Variants in JAK1 observed in about 807,000 individuals in gnomAD.
JAK1 encodes Janus kinase 1.
Under a neutral mutation model 136.6 loss-of-function variants are expected in JAK1, and 16 were observed. That is an observed-to-expected ratio of 0.12 (90% CI 0.08 to 0.18). The LOEUF (loss-of-function observed/expected upper bound fraction) is 0.18. JAK1 is among the 10% of genes least tolerant of loss of function. JAK1 has a pLI of 1.00. For synonymous variants in JAK1, 492 were observed against 519.5 expected (o/e 0.95, Z 0.72); for missense variants, 859 against 1,450.1 (o/e 0.59, Z 6.62).
intron 1 of JAK1, among the ~76,000 whole-genome samples, chr1:65,064,044 C>CT (rs971324363): frequency 1.3e-5 from 2 of 152,040 alleles, no homozygotes; most frequent in African/African-American, 4.8e-5. Flanking sequence ...GGCTATTCTA[C>CT]TTTTTTTGCA....
At chr1:64,951,437 C>G (rs904096300) in intron 1 of JAK1, among the ~76,000 whole-genome samples, 2 of 152,088 alleles carry the variant, frequency 1.3e-5, no homozygotes, top group South Asian at 4.1e-4. Flanking sequence ...TAAGTCTCTT[C>G]ACAGGGTTCC....
chr1:65,034,546 TA>T (rs1321722738), intron 2 of JAK1, among the ~76,000 whole-genome samples: 1 of 152,194 alleles, frequency 6.6e-6, no homozygotes. Flanking sequence ...ATCTAGTTGT[TA>T]GAAAGGTACT....
chr1:65,025,290 G>A (rs969230809), intron 2 of JAK1, among the ~76,000 whole-genome samples: 11 of 152,168 alleles, frequency 7.2e-5, no homozygotes, highest in African/African-American at 2.2e-4. Context: ...GAGCCCACCC[G>A]AAACATGGAT....
Position 64,845,666 on chromosome 1 carries a change from T to C in JAK1, c.1988-26A>G, listed in dbSNP as rs1405109909. On this transcript the variant is annotated intron_variant, in intron 14 of 24. Transcript: ENST00000342505. ...CTGTAGGCATAAAAATAGCCATGTCTGGAACCTGGTCTGTGGCACGGTCCT... is the reference window on the plus strand; with the variant it reads ...CTGTAGGCATAAAAATAGCCATGTCCGGAACCTGGTCTGTGGCACGGTCCT... 2.5e-6 allele frequency: 4 copies of C among 1,613,992 alleles called. No individual in the cohort carries two copies. In the African/African-American group the frequency reaches 5.3e-5, roughly 22 times the overall value.
intron 2 of JAK1, chr1:65,003,446 T>C (rs1339515312): frequency 6.6e-6 from 1 of 152,110 alleles, no homozygotes; most frequent in Non-Finnish European, 1.5e-5. Context: ...GGAAGGGGAA[T>C]GATGCTTAAA....
chr1:64,947,111 G>C (rs1646001786), intron 1 of JAK1, among the ~76,000 whole-genome samples: 1 of 152,170 alleles, frequency 6.6e-6, no homozygotes, highest in Non-Finnish European at 1.5e-5. Context: ...AGTTTTGCAA[G>C]ATGAAAAGAG....
At chr1:65,041,573 G>A (rs981744461) in intron 2 of JAK1, among the ~76,000 whole-genome samples, 3 of 152,122 alleles carry the variant, frequency 2.0e-5, no homozygotes, top group Non-Finnish European at 2.9e-5. Context: ...ACACAGAAGC[G>A]ATCATCTGAT....
At chr1:65,009,444 TAAAAAG>T (rs1224818269) in intron 2 of JAK1, among the ~76,000 whole-genome samples, 1 of 152,030 alleles carries the variant, frequency 6.6e-6, no homozygotes, top group Non-Finnish European at 1.5e-5. Flanking sequence ...GTTACATGCT[TAAAAAG>T]AAAAAAGTAC....
rs1210610128 is a variant in JAK1 at position 64,855,756 on chromosome 1, A to G, written c.1459-58T>C. 5 of 1,455,576 alleles carry G rather than the reference A, an allele frequency of 3.4e-6. No individual in the cohort carries two copies. The African/African-American group carries it at 7.0e-5, about 20-fold the overall frequency. 90.2% of individuals were successfully genotyped at this position (1,455,576 alleles called of 1,614,324 possible). A position where few individuals can be genotyped will look rare whatever the true frequency, so the allele number is the denominator to read the frequency against. ...AAAATGGGGTCAGGCATGGGTATGT[A>G]AGATATTAACATTAGGGGAAGCTGC... On this transcript the variant is annotated intron_variant, in intron 10 of 24. Transcript: ENST00000342505.
intron 2 of JAK1, among the ~76,000 whole-genome samples, chr1:65,014,648 TG>T (rs1172666938): frequency 6.6e-6 from 1 of 151,628 alleles, no homozygotes; most frequent in Non-Finnish European, 1.5e-5. Context: ...ACACACTCCA[TG>T]GGTTGAAAGA....
chr1:64,938,972 T>C (rs758161530), intron 1 of JAK1, among the ~76,000 whole-genome samples: 66 of 152,298 alleles, frequency 4.3e-4, no homozygotes, highest in Non-Finnish European at 7.1e-4. Context: ...CCACCTAGCA[T>C]TTTTTTCTTT....
At chr1:65,020,813 G>T (rs1489536016) in intron 2 of JAK1, among the ~76,000 whole-genome samples, 1 of 152,062 alleles carries the variant, frequency 6.6e-6, no homozygotes, top group Non-Finnish European at 1.5e-5. Context: ...CAAAGGTGTG[G>T]GCAGGGTTTA....
intron 6 of JAK1, among the ~76,000 whole-genome samples, chr1:64,867,565 G>A (rs557031824): frequency 2.6e-5 from 4 of 152,352 alleles, no homozygotes; most frequent in African/African-American, 9.6e-5. Flanking sequence ...CTAGGATTGA[G>A]CATCAGTTAG....
At chr1:65,055,886 G>C (rs1179408783) in intron 1 of JAK1, among the ~76,000 whole-genome samples, 1 of 152,140 alleles carries the variant, frequency 6.6e-6, no homozygotes, top group African/African-American at 2.4e-5. Flanking sequence ...CACCCCACAG[G>C]CCTGGTTGTA....
chr1:65,039,015 T>C (rs933833379), intron 2 of JAK1, among the ~76,000 whole-genome samples: 1 of 151,976 alleles, frequency 6.6e-6, no homozygotes, highest in Admixed American at 6.6e-5. Flanking sequence ...TAGGTTGGTC[T>C]CAAACTCCTG....
At chr1:65,043,723 T>TGC (rs1387311439) in intron 2 of JAK1, among the ~76,000 whole-genome samples, 15 of 141,180 alleles carry the variant, frequency 1.1e-4, no homozygotes, top group Admixed American at 2.9e-4. Flanking sequence ...TTTTTTTTTT[T>TGC]TTGCTTGTTT....
chr1:65,058,998 A>AT (rs1268134483), intron 1 of JAK1, among the ~76,000 whole-genome samples: 1 of 152,178 alleles, frequency 6.6e-6, no homozygotes, highest in East Asian at 1.9e-4. Flanking sequence ...ATAATACTTC[A>AT]TATCTGCCAA....
Position 64,866,910 on chromosome 1 carries a change from T to C in JAK1, c.946A>G (p.Met316Val). The C allele has an allele frequency of 6.2e-7, 1 of 1,613,468 alleles. No individual in the cohort carries two copies. Among genetic ancestry groups the C allele is most frequent in the Non-Finnish European group, 8.5e-7 (1 of 1,179,374 alleles). The change falls in exon 7 of 25, where the codon ATG becomes GTG. Residue 316 changes from methionine (M) to valine (V), a missense_variant. By Grantham distance (21) the Met-to-Val change is conservative. Transcript: ENST00000342505. Reference sequence around the variant, plus strand: ...TGGATTCCAAGATTCCCAGTCACCATCACTTCGTAGTAGAGAACGTTTCCA... The same window carrying C: ...TGGATTCCAAGATTCCCAGTCACCACCACTTCGTAGTAGAGAACGTTTCCA... ...DGGNVLYYEVMVTGNLGIQWR... is the reference protein window; with the variant it reads ...DGGNVLYYEVVVTGNLGIQWR...
At position 64,846,675 on chromosome 1, in the gene JAK1, T is replaced by C. The variant is rs758681867; in HGVS notation, c.1961A>G (p.Tyr654Cys). The change falls in exon 14 of 25, where the codon TAT (tyrosine) becomes TGT (cysteine). Residue 654 changes from tyrosine to cysteine, a missense_variant. This residue lies in a region of JAK1 where 409 missense variants were observed against 753.8 expected (regional missense o/e 0.54). Transcript: ENST00000342505. ...QVSHKHIVYL[Y>C]GVCVRDVENI... ...CTCCACGTCGCGGACACAGACGCCA[T>C]AGAGGTACACGATGTGTTTGTGGGA... 1.9e-6 allele frequency: 3 copies of C among 1,613,852 alleles called. No individual in the cohort carries two copies. The highest frequency in any genetic ancestry group is 2.2e-5 in the South Asian group (2 of 91,064).
Sources: allele counts gnomAD v4.1 joint callset (sites outside exome capture counted in the v4.1 genomes callset), GRCh38; gene constraint gnomAD v4.1.1; regional missense constraint gnomAD v4.1.1; transcripts MANE v1.5; gene names NCBI Gene and HGNC (gene_info 2026-07-23, HGNC 2026-07-21).